The following OR8G5 variants were observed in gnomAD, a reference collection of about 807,000 sequenced individuals.
The protein encoded by OR8G5 is olfactory receptor family 8 subfamily G member 5.
For synonymous variants in OR8G5, 147 were observed against 147.7 expected (o/e 1.00, Z 0.03); for missense variants, 347 against 371.9 (o/e 0.93, Z 0.55).
intron 1 of OR8G5, among the ~76,000 whole-genome samples, chr11:124,263,560 C>T (rs1305511073): frequency 1.1e-4 from 16 of 141,378 alleles, no homozygotes; most frequent in Admixed American, 1.1e-3. Context: ...CATGTGTTCT[C>T]ATTGTTCAGT....
At chr11:124,259,595 G>T (rs1020095115) in intron 1 of OR8G5, among the ~76,000 whole-genome samples, 3 of 152,060 alleles carry the variant, frequency 2.0e-5, no homozygotes, top group Admixed American at 1.3e-4. Flanking sequence ...AGTATATAGG[G>T]AGGTGATTCT....
intron 1 of OR8G5, among the ~76,000 whole-genome samples, chr11:124,263,080 T>C (rs1861989079): frequency 6.6e-6 from 1 of 152,152 alleles, no homozygotes. Flanking sequence ...CTAAAAACAT[T>C]GGATATATTT....
At chr11:124,256,994 G>T (rs982427671) in intron 1 of OR8G5, among the ~76,000 whole-genome samples, 1 of 152,160 alleles carries the variant, frequency 6.6e-6, no homozygotes, top group African/African-American at 2.4e-5. Flanking sequence ...ACAAATGTTT[G>T]CCAGACAACA....
At chr11:124,259,391 TAG>T (rs1340190223) in intron 1 of OR8G5, among the ~76,000 whole-genome samples, 1 of 152,226 alleles carries the variant, frequency 6.6e-6, no homozygotes, top group African/African-American at 2.4e-5. Context: ...TTATCAGAAT[TAG>T]AGAGGGGGTA....
intron 1 of OR8G5, among the ~76,000 whole-genome samples, chr11:124,262,394 A>G (rs948304750): frequency 2.6e-5 from 4 of 151,852 alleles, no homozygotes; most frequent in African/African-American, 4.8e-5. Flanking sequence ...AAAGTAAGCA[A>G]CTGAATTGAA....
rs753839835 is a variant in OR8G5, at chr11:124,259,511, T to C, written c.-15+2877T>C. 2.0e-5 allele frequency among the ~76,000 whole-genome samples: 3 copies of C among 152,290 alleles called. No individual in the cohort carries two copies. In the East Asian group the frequency reaches 5.8e-4, roughly 29 times the overall value. ...TATGAACAAATTAGAACTATAGCAGTAAACTTCAGAAGAACTAGAAGCAGA... is the reference window on the plus strand; with the variant it reads ...TATGAACAAATTAGAACTATAGCAGCAAACTTCAGAAGAACTAGAAGCAGA... On this transcript the variant is annotated intron_variant, in intron 1 of 1. Transcript: ENST00000641992.
At chr11:124,259,276 T>G (rs181992361) in intron 1 of OR8G5, among the ~76,000 whole-genome samples, 18 of 152,248 alleles carry the variant, frequency 1.2e-4, no homozygotes, top group Middle Eastern at 3.4e-3. Context: ...AAACAGGATA[T>G]TTACACATGA....
Position 124,265,831 on chromosome 11 carries a change from C to G in OR8G5, c.900C>G (p.Ala300=), listed in dbSNP as rs868849732. The stretch of plus-strand genomic sequence containing the variant: ...TGAGGAATAAAGATGTCCACGTTGC[C>G]CTGAAGAAAACGCTAGGGAAAAGAA... The part of the protein sequence containing the change: ...YSLRNKDVHV[A]LKKTLGKRTF... The change falls in exon 2 of 2, where the codon GCC becomes GCG. Residue 300 remains alanine, a synonymous_variant. Transcript: ENST00000641992. The G allele has an allele frequency of 6.2e-7, 1 of 1,613,524 alleles. No homozygotes were observed. The highest frequency in any genetic ancestry group is 8.5e-7 in the Non-Finnish European group (1 of 1,179,770).
chr11:124,261,379 G>T (rs1861969879), intron 1 of OR8G5, among the ~76,000 whole-genome samples: 1 of 151,834 alleles, frequency 6.6e-6, no homozygotes, highest in Non-Finnish European at 1.5e-5. Flanking sequence ...AAAATCTAAT[G>T]AAAGGGAGTG....
At chr11:124,259,485 A>G (rs1275583041) in intron 1 of OR8G5, among the ~76,000 whole-genome samples, 1 of 152,210 alleles carries the variant, frequency 6.6e-6, no homozygotes, top group Non-Finnish European at 1.5e-5. Context: ...ACAAATAGCA[A>G]TATGAACAAA....
At position 124,256,607 on chromosome 11, in the gene OR8G5, T is replaced by A. The variant is rs1473035862; in HGVS notation, c.-42T>A. 2 of 152,214 alleles carry A rather than the reference T, an allele frequency of 1.3e-5. No homozygotes were observed. The highest frequency in any genetic ancestry group is 2.9e-5 in the Non-Finnish European group (2 of 68,032). The allele number at this position is 152,214 out of a possible 1,614,324, so 9.4% of individuals were successfully genotyped here. On this transcript the variant is annotated 5_prime_UTR_variant, in exon 1 of 2. Coordinates refer to ENST00000641992, the MANE Select transcript of OR8G5 (RefSeq NM_001005198.2). ...AAGACAGCAAGTTGCAAATAAAATT[T>A]GGAACTGAGGTTTCAGGCAAAAGAA...
chr11:124,258,111 G>C (rs561089001), intron 1 of OR8G5, among the ~76,000 whole-genome samples: 6 of 152,230 alleles, frequency 3.9e-5, no homozygotes, highest in African/African-American at 1.4e-4. Flanking sequence ...TCTTAAGTCT[G>C]TCAAACACCA....
chr11:124,257,316 T>G (rs1040305961), intron 1 of OR8G5, among the ~76,000 whole-genome samples: 2 of 152,170 alleles, frequency 1.3e-5, no homozygotes, highest in Non-Finnish European at 2.9e-5. Flanking sequence ...TAGAATATTT[T>G]TATATTGATT....
intron 1 of OR8G5, among the ~76,000 whole-genome samples, chr11:124,258,570 T>G: frequency 6.6e-6 from 1 of 150,724 alleles, no homozygotes; most frequent in Non-Finnish European, 1.5e-5. Context: ...CTCAAATAAA[T>G]AAATAAATAA....
chr11:124,265,677 C>T lies in OR8G5; in HGVS notation c.746C>T (p.Ser249Phe), dbSNP rs992029489. The T allele has an allele frequency of 3.7e-6, 6 of 1,613,990 alleles. No individual in the cohort carries two copies. Among genetic ancestry groups the T allele is most frequent in the Non-Finnish European group, 4.2e-6 (5 of 1,179,904 alleles). ...TGCAGCTCCCACATCTCGGCTGTTTCTGTTTTCTTTGGGTCTGCAGCATTC... is the reference window on the plus strand; with the variant it reads ...TGCAGCTCCCACATCTCGGCTGTTTTTGTTTTCTTTGGGTCTGCAGCATTC... ...STCSSHISAV[S>F]VFFGSAAFMY... is the part of the protein sequence containing the mutation. Residue 249 changes from serine to phenylalanine, a missense_variant, in exon 2 of 2, where the codon TCT becomes TTT. Ser to Phe is a radical substitution (Grantham distance 155). Coordinates refer to ENST00000641992, the MANE Select transcript of OR8G5 (RefSeq NM_001005198.2).
intron 1 of OR8G5, among the ~76,000 whole-genome samples, chr11:124,263,740 T>G (rs1400222590): frequency 6.6e-6 from 1 of 151,502 alleles, no homozygotes; most frequent in Non-Finnish European, 1.5e-5. Flanking sequence ...GTTAGTTTTA[T>G]GCTCAGGTCT....
chr11:124,265,620 A>C lies in OR8G5; in HGVS notation c.689A>C (p.Tyr230Ser), dbSNP rs141463061. ...FIIASILRIR[Y>S]TEGRSKAFST... ...ATTGCCAGCATCCTCCGCATTCGCT[A>C]CACTGAGGGCAGGTCCAAAGCCTTC... Residue 230 changes from tyrosine (Y) to serine (S), a missense_variant, in exon 2 of 2, where the codon TAC becomes TCC. Physicochemically the swap from Tyr to Ser is moderately radical, Grantham distance 144. Coordinates refer to ENST00000641992, the MANE Select transcript of OR8G5 (RefSeq NM_001005198.2). 25,824 of 1,613,162 alleles carry C rather than the reference A, an allele frequency of 0.016. 298 individuals are homozygous for C. The highest frequency in any genetic ancestry group is 0.018 in the Non-Finnish European group (20,745 of 1,179,742).
intron 1 of OR8G5, among the ~76,000 whole-genome samples, chr11:124,261,580 T>C (rs1591395595): frequency 6.6e-6 from 1 of 151,948 alleles, no homozygotes; most frequent in East Asian, 1.9e-4. Context: ...AATCAGAAAT[T>C]TTAGTGAGAG....
At chr11:124,264,874 C>T (rs1415325338) in intron 1 of OR8G5, 44 bp from the exon 2 acceptor site, 2 of 1,605,906 alleles carry the variant, frequency 1.2e-6, no homozygotes, top group Non-Finnish European at 1.7e-6. Context: ...AGGAGAATAA[C>T]AATACAATTC....
Sources: gnomAD v4.1 joint callset for allele counts (sites outside exome capture counted in the v4.1 genomes callset) on GRCh38, gnomAD v4.1.1 for gene constraint, MANE v1.5 for transcripts, NCBI Gene and HGNC (gene_info 2026-07-23, HGNC 2026-07-21) for gene names.